PAN2: variants seen among roughly 807,000 people sequenced by gnomAD.
PAN2 encodes the protein poly(A) specific ribonuclease subunit PAN2, also known as PAN2-PAN3 deadenylation complex catalytic subunit PAN2.
Under a neutral mutation model 133.3 loss-of-function variants are expected in PAN2, and 68 were observed. The ratio of observed to expected loss-of-function variants is 0.51; its 90% CI spans 0.42 to 0.62. PAN2 has a LOEUF of 0.62. Among genes scored for constraint, PAN2 ranks in the 20% least tolerant of loss-of-function variants. The pLI is 0.00. For missense variants in PAN2, 1,042 were observed against 1,500.5 expected (o/e 0.69, Z 5.05); for synonymous variants, 462 against 544.6 (o/e 0.85, Z 2.11).
chr12:56,318,690 T>C, intron 24 of PAN2: 1 of 468,436 alleles, frequency 2.1e-6, no homozygotes, highest in African/African-American at 2.0e-5. Context: ...CCCCCCATGC[T>C]TTTATTTTTT....
chr12:56,317,382 G>A lies in PAN2; in HGVS notation c.*227C>T. The A allele has an allele frequency of 1.7e-6, 1 of 584,594 alleles. No individual in the cohort carries two copies. The highest frequency in any genetic ancestry group is 3.1e-6 in the Non-Finnish European group (1 of 325,034). The allele number at this position is 584,594 out of a possible 1,614,324, so 36.2% of individuals were successfully genotyped here. A position where few individuals can be genotyped will look rare whatever the true frequency, so the allele number is the denominator to read the frequency against. ...TGGGTCAATTCTAGACTCCATGTCT[G>A]TACCACTGTTTTGCAAAGAATGAAG... On this transcript the variant is annotated 3_prime_UTR_variant, in exon 26 of 26. Transcript: ENST00000440411.
Position 56,324,859 on chromosome 12 carries a change from C to G in PAN2, c.1599+150G>C, listed in dbSNP as rs549184422. Reference sequence around the variant, plus strand: ...CCAAACCGGTGGAGCTCAGAGGAGACTTGAAAGTTGTAGAGGCAAGAAAGA... The same window carrying G: ...CCAAACCGGTGGAGCTCAGAGGAGAGTTGAAAGTTGTAGAGGCAAGAAAGA... On this transcript the variant is annotated intron_variant, in intron 10 of 25. Transcript: ENST00000440411. 12 of 1,363,352 alleles carry G rather than the reference C, an allele frequency of 8.8e-6. No individual in the cohort carries two copies. The Admixed American group carries it at 2.9e-4, about 32-fold the overall frequency. 84.5% of individuals were successfully genotyped at this position (1,363,352 alleles called of 1,614,324 possible).
In PAN2 at chr12:56,326,748, C is replaced by CG; in HGVS notation, c.1130dup (p.Cys378ValfsTer28). The CG allele has an allele frequency of 1.2e-6, 2 of 1,614,156 alleles. No individual in the cohort carries two copies. Among genetic ancestry groups the CG allele is most frequent in the South Asian group, 2.2e-5 (2 of 91,080 alleles). ...GAGGAGGCAGTGAGTCCACGAGACA[C>CG]GGCAAAGCAAACTCAGTCTCACGGG... is the stretch of plus-strand genomic sequence containing the variant. On this transcript the variant is annotated frameshift_variant, in exon 7 of 26. Coordinates refer to ENST00000440411, the MANE Select transcript of PAN2 (RefSeq NM_014871.6). LOFTEE classifies it high-confidence loss of function.
At chr12:56,318,514 A>G (rs2135946953) in intron 24 of PAN2, 80 bp from the exon 25 acceptor site, 1 of 1,107,792 alleles carries the variant, frequency 9.0e-7, no homozygotes, top group Non-Finnish European at 1.3e-6. Context: ...ACCTGACTCC[A>G]GAAAACTAAA....
Position 56,323,904 on chromosome 12 carries a change from C to A in PAN2, c.2075G>T (p.Gly692Val). The change falls in exon 14 of 26, where the codon GGG becomes GTG. Residue 692 changes from glycine (G) to valine (V), a missense_variant. By Grantham distance (109) the Gly-to-Val change is moderately radical (BLOSUM62 -3). Coordinates refer to ENST00000440411, the MANE Select transcript of PAN2 (RefSeq NM_014871.6). Reference sequence around the variant, plus strand: ...CACCTGAGCAAAGTCATAGTTCTTCCCAGTTTTATCTGAGGGAAAATTAGA... The same window carrying A: ...CACCTGAGCAAAGTCATAGTTCTTCACAGTTTTATCTGAGGGAAAATTAGA... ...FTLSYPDDKT[G>V]KNYDFAQVLK... 1.2e-6 allele frequency: 2 copies of A among 1,613,778 alleles called. No individual in the cohort carries two copies. The highest frequency in any genetic ancestry group is 1.7e-6 in the Non-Finnish European group (2 of 1,179,626).
chr12:56,327,252 T>C (rs1875226845), intron 6 of PAN2, 112 bp downstream of exon 6: 2 of 1,208,012 alleles, frequency 1.7e-6, no homozygotes, highest in Non-Finnish European at 2.4e-6. Flanking sequence ...GGGACCCTGA[T>C]GAAAGGTTAC....
Position 56,319,164 on chromosome 12 carries a change from G to T in PAN2, c.3288C>A (p.Val1096=). ...TATGGAACAGGTAGACAGTGTCAAG[G>T]ACTTGGTCCTTGGGCACCTGGCAAG... ...VINLMVPKDQ[V]LDTVYLFHMP... Residue 1096 remains valine (V), a synonymous_variant, in exon 24 of 26, where the codon GTC becomes GTA. Coordinates refer to ENST00000440411, the MANE Select transcript of PAN2 (RefSeq NM_014871.6). This position sits in a 1 kb window ranked among gnomAD's most constrained non-coding sequence, Gnocchi z 5.4. 1.2e-6 allele frequency: 2 copies of T among 1,613,996 alleles called. No homozygotes were observed. Among genetic ancestry groups the T allele is most frequent in the Non-Finnish European group, 1.7e-6 (2 of 1,179,914 alleles).
Position 56,317,240 on chromosome 12 carries a change from G to A in PAN2, c.*369C>T, listed in dbSNP as rs1321298482. ...GTCTTGAACTACTGTGGTATCCTCT[G>A]TCACTGTCCAGGACTTCAATCCCTA... On this transcript the variant is annotated 3_prime_UTR_variant, in exon 26 of 26. Coordinates refer to ENST00000440411, the MANE Select transcript of PAN2 (RefSeq NM_014871.6). The A allele has an allele frequency of 4.2e-6, 1 of 236,354 alleles. No homozygotes were observed. The highest frequency in any genetic ancestry group is 8.4e-6 in the Non-Finnish European group (1 of 119,654). The allele number at this position is 236,354 out of a possible 1,614,324, so 14.6% of individuals were successfully genotyped here. A position where few individuals can be genotyped will look rare whatever the true frequency, so the allele number is the denominator to read the frequency against.
At position 56,328,605 on chromosome 12, in the gene PAN2, G is replaced by A; in HGVS notation, c.319C>T (p.Arg107Cys). Residue 107 changes from arginine (R) to cysteine (C), a missense_variant, in exon 3 of 26, where the codon CGC becomes TGC. Transcript: ENST00000440411. ...CCATTGACTTGAAAGGATGAGTAGC[G>A]CTCCAAGGCTGGGCCAAAAAATGAA... ...ATSFFGPALE[R>C]YSSFQVNGSD... 1 of 1,614,154 alleles carries A rather than the reference G, an allele frequency of 6.2e-7. No individual in the cohort carries two copies. The highest frequency in any genetic ancestry group is 8.5e-7 in the Non-Finnish European group (1 of 1,180,000).
chr12:56,332,727 G>T, intron 2 of PAN2, 86 bp downstream of exon 2: 2 of 1,365,442 alleles, frequency 1.5e-6, no homozygotes, highest in South Asian at 1.3e-5. Flanking sequence ...CTCGGTACTG[G>T]CTATCTGCAA....
At position 56,319,208 on chromosome 12, in the gene PAN2, T is replaced by C; in HGVS notation, c.3271-27A>G. On this transcript the variant is annotated intron_variant, in intron 23 of 25. Coordinates refer to ENST00000440411, the MANE Select transcript of PAN2 (RefSeq NM_014871.6). The surrounding 1 kb of genome is among the most constrained non-coding windows in gnomAD (Gnocchi z 5.4). ...TGGCAAGGATAAAAGAGGGGGAGACTTAAGGTAGGGGACCTATAATTCCCC... is the reference window on the plus strand; with the variant it reads ...TGGCAAGGATAAAAGAGGGGGAGACCTAAGGTAGGGGACCTATAATTCCCC... The C allele has an allele frequency of 6.2e-7, 1 of 1,614,030 alleles. No individual in the cohort carries two copies. The highest frequency in any genetic ancestry group is 8.5e-7 in the Non-Finnish European group (1 of 1,179,996).
chr12:56,322,931 C>A, intron 17 of PAN2, 131 bp downstream of exon 17: 1 of 1,327,286 alleles, frequency 7.5e-7, no homozygotes, highest in East Asian at 2.3e-5. Context: ...GGAAAATCCC[C>A]TAACAGGTAA....
intron 14 of PAN2, 33 bp downstream of exon 14, chr12:56,323,774 C>G: frequency 6.7e-7 from 1 of 1,503,692 alleles, no homozygotes. Context: ...ATGGCAGGAC[C>G]AGGACTCTAG....
At chr12:56,318,152 G>C in intron 25 of PAN2, 85 bp downstream of exon 25, 1 of 1,128,992 alleles carries the variant, frequency 8.9e-7, no homozygotes, top group Non-Finnish European at 1.3e-6. Flanking sequence ...ACTTCAGCCT[G>C]GGTGACAGAG....
intron 19 of PAN2, 77 bp downstream of exon 19, chr12:56,322,346 C>A: frequency 8.0e-7 from 1 of 1,249,554 alleles, no homozygotes; most frequent in Non-Finnish European, 1.2e-6. Context: ...ATCTGCCTGG[C>A]ATTCTATAGA....
Position 56,324,442 on chromosome 12 carries a change from C to CGAGGGCTG in PAN2, c.1772_1779dup (p.Gly594GlnfsTer5). Reference sequence around the variant, plus strand: ...TCATCTGAGTCAGCCAGGATTAGACCGAGGGCTGAGGCCTCAGGAATAGTA... The same window carrying CGAGGGCTG: ...TCATCTGAGTCAGCCAGGATTAGACCGAGGGCTGGAGGGCTGAGGCCTCAGGAATAGTA... On this transcript the variant is annotated frameshift_variant, in exon 12 of 26. Coordinates refer to ENST00000440411, the MANE Select transcript of PAN2 (RefSeq NM_014871.6). LOFTEE classifies it high-confidence loss of function. 6.2e-7 allele frequency: 1 copy of CGAGGGCTG among 1,614,144 alleles called. No homozygotes were observed. Among genetic ancestry groups the CGAGGGCTG allele is most frequent in the Non-Finnish European group, 8.5e-7 (1 of 1,180,022 alleles).
Position 56,318,307 on chromosome 12 carries a change from C to T in PAN2, c.3492G>A (p.Lys1164=), listed in dbSNP as rs1464746945. Reference sequence around the variant, plus strand: ...TCTTTCTGCCCTTCTCATAAAGACCCTTGAGCACCTTGTGGAAAGACTCAG... The same window carrying T: ...TCTTTCTGCCCTTCTCATAAAGACCTTTGAGCACCTTGTGGAAAGACTCAG... ...TEPESFHKVL[K]GLYEKGRKMD... Residue 1164 remains lysine (K), a synonymous_variant, in exon 25 of 26, where the codon AAG becomes AAA. Coordinates refer to ENST00000440411, the MANE Select transcript of PAN2 (RefSeq NM_014871.6). The T allele has an allele frequency of 6.2e-7, 1 of 1,614,150 alleles. No individual in the cohort carries two copies. The highest frequency in any genetic ancestry group is 1.7e-5 in the Admixed American group (1 of 60,014).
chr12:56,324,647 G>A lies in PAN2; in HGVS notation c.1662C>T (p.Phe554=). The A allele has an allele frequency of 6.2e-7, 1 of 1,614,208 alleles. No homozygotes were observed. The highest frequency in any genetic ancestry group is 8.5e-7 in the Non-Finnish European group (1 of 1,180,032). ...GGAAGCCCAGCTCACATGCCAGACA[G>A]AACTCCTTCTGGCAAAGGTGGTTTT... ...LIQNHLCQKE[F]CLACELGFLF... is the part of the protein sequence containing the mutation. The change falls in exon 11 of 26, where the codon TTC becomes TTT. Residue 554 remains phenylalanine, a synonymous_variant. Transcript: ENST00000440411.
At position 56,323,380 on chromosome 12, in the gene PAN2, G is replaced by T. The variant is rs1464230571; in HGVS notation, c.2276C>A (p.Ala759Asp). 1 of 1,613,670 alleles carries T rather than the reference G, an allele frequency of 6.2e-7. No individual in the cohort carries two copies. The highest frequency in any genetic ancestry group is 8.5e-7 in the Non-Finnish European group (1 of 1,179,938). ...GTGTTTCTTTACTGCCATCTTGAAG[G>T]CAACCTGAACACAGAAGAAAAACAT... is the stretch of plus-strand genomic sequence containing the variant. ...ADFWRMQAEV[A>D]FKMAVKKHGG... The change falls in exon 16 of 26, where the codon GCC becomes GAC. Residue 759 changes from alanine to aspartate, a missense_variant. Coordinates refer to ENST00000440411, the MANE Select transcript of PAN2 (RefSeq NM_014871.6).
Sources: gnomAD v4.1 joint callset for allele counts on GRCh38, gnomAD v4.1.1 for gene constraint, Gnocchi (gnomAD v3.1) non-coding constraint, MANE v1.5 for transcripts, NCBI Gene and HGNC (gene_info 2026-07-23, HGNC 2026-07-21) for gene names.